ASNS: variants seen among roughly 807,000 people sequenced by gnomAD.
The protein encoded by ASNS is asparagine synthetase [glutamine-hydrolyzing].
Under a neutral mutation model 62.6 loss-of-function variants are expected in ASNS, and 37 were observed. The ratio of observed to expected loss-of-function variants is 0.59; its 90% confidence interval spans 0.45 to 0.78. The LOEUF is 0.78. ASNS is among the 30% of genes least tolerant of loss of function. The pLI is 0.00. For synonymous variants in ASNS, 207 were observed against 237.9 expected, an observed-to-expected ratio of 0.87 and a Z score of 1.19; for missense variants, 520 against 682.4, an observed-to-expected ratio of 0.76 and a Z score of 2.65.
chr7:97,869,404 C>T (rs373933308), intron 2 of ASNS, among the ~76,000 whole-genome samples: 21 of 152,354 alleles, frequency 1.4e-4, no homozygotes, highest in African/African-American at 3.8e-4. Flanking sequence ...CAACCGGCTA[C>T]AGCAGCTTAG....
chr7:97,854,684 T>C lies in ASNS; in HGVS notation c.1138-4A>G, dbSNP rs1329970496. ...CGGCTTTTTCAGGAGAAGGAGCCTATTTCACAAACAAAAACACCAAGAGTT... is the reference window on the plus strand; with the variant it reads ...CGGCTTTTTCAGGAGAAGGAGCCTACTTCACAAACAAAAACACCAAGAGTT... On this transcript the variant is annotated splice_region_variant and splice_polypyrimidine_tract_variant and intron_variant, in intron 9 of 12. Transcript: ENST00000394308. 2 of 1,614,064 alleles carry C rather than the reference T, an allele frequency of 1.2e-6. No individual in the cohort carries two copies. The highest frequency in any genetic ancestry group is 1.7e-6 in the Non-Finnish European group (2 of 1,179,996).
At chr7:97,924,652 C>T in the ASNS span, among the ~76,000 whole-genome samples, 2 of 152,162 alleles carry the variant, frequency 1.3e-5, no homozygotes, top group Admixed American at 6.5e-5. Context: ...CCCTGAGAAC[C>T]AGGGGGATGT....
the ASNS span, among the ~76,000 whole-genome samples, chr7:97,879,991 C>T: frequency 1.3e-5 from 2 of 152,194 alleles, no homozygotes; most frequent in African/African-American, 4.8e-5. Context: ...GATGATTGTT[C>T]TCTTCCTACC....
chr7:97,901,952 T>C, the ASNS span, among the ~76,000 whole-genome samples: 1 of 151,958 alleles, frequency 6.6e-6, no homozygotes, highest in African/African-American at 2.4e-5. Flanking sequence ...TACTCTAGCC[T>C]GGGCAATAAA....
At chr7:97,926,684 G>A in the ASNS span, among the ~76,000 whole-genome samples, 2 of 152,148 alleles carry the variant, frequency 1.3e-5, no homozygotes, top group Admixed American at 6.6e-5. Context: ...TACAGGCGCC[G>A]CGAAAAGAGC....
intron 8 of ASNS, among the ~76,000 whole-genome samples, chr7:97,856,149 G>A (rs955104322): frequency 6.6e-6 from 1 of 152,130 alleles, no homozygotes. Flanking sequence ...TGCCTTCCAA[G>A]GCAAGTCTCT....
chr7:97,853,035 G>T, intron 12 of ASNS, 25 bp downstream of exon 12: 1 of 1,522,662 alleles, frequency 6.6e-7, no homozygotes, highest in South Asian at 1.3e-5. Context: ...TCTTATTCCT[G>T]AAAATGTTTT....
chr7:97,865,991 A>G (rs1439870161), intron 3 of ASNS, among the ~76,000 whole-genome samples: 1 of 152,166 alleles, frequency 6.6e-6, no homozygotes, highest in Non-Finnish European at 1.5e-5. Flanking sequence ...TGCACATGTA[A>G]TGTCATGTCA....
the ASNS span, among the ~76,000 whole-genome samples, chr7:97,878,912 A>AACCAAAACAGCATAGTACTGGT: frequency 6.6e-6 from 1 of 152,234 alleles, no homozygotes; most frequent in Non-Finnish European, 1.5e-5. Context: ...AGGCTACAGT[A>AACCAAAACAGCATAGTACTGGT]ACCAAAACAG....
the ASNS span, among the ~76,000 whole-genome samples, chr7:97,909,294 CTTTTTTTTTTTTTTTTTT>C: frequency 1.4e-5 from 1 of 72,620 alleles, no homozygotes; most frequent in Admixed American, 2.0e-4. Context: ...CTCACATACA[CTTTTTTTTTTTTTTTTTT>C]TTTTTTTTTG....
chr7:97,920,491 G>A, the ASNS span, among the ~76,000 whole-genome samples: 1 of 152,168 alleles, frequency 6.6e-6, no homozygotes, highest in Non-Finnish European at 1.5e-5. Context: ...ACTCCCTAGA[G>A]AAGGCAGGAG....
chr7:97,900,020 A>C, the ASNS span, among the ~76,000 whole-genome samples: 1 of 152,226 alleles, frequency 6.6e-6, no homozygotes, highest in Non-Finnish European at 1.5e-5. Flanking sequence ...AATCAAAACC[A>C]CAATGAGATA....
intron 1 of ASNS, among the ~76,000 whole-genome samples, chr7:97,870,978 C>T (rs1470025255): frequency 6.6e-6 from 1 of 152,158 alleles, no homozygotes; most frequent in Non-Finnish European, 1.5e-5. Context: ...GGGCAAAGTT[C>T]CTACTGCCGC....
upstream of ASNS, among the ~76,000 whole-genome samples, chr7:97,877,033 A>G (rs926349615): frequency 2.6e-5 from 4 of 152,038 alleles, no homozygotes; most frequent in African/African-American, 9.7e-5. Context: ...TAAGATAAAG[A>G]TGATTAAGTA....
At chr7:97,922,090 C>T in the ASNS span, among the ~76,000 whole-genome samples, 1 of 152,218 alleles carries the variant, frequency 6.6e-6, no homozygotes, top group South Asian at 2.1e-4. Context: ...CTCGGCCAGG[C>T]ATGGTGGCTC....
At chr7:97,853,583 TATATC>T (rs918479556) in intron 10 of ASNS, among the ~76,000 whole-genome samples, 197 bp from the exon 11 acceptor site, 6 of 152,172 alleles carry the variant, frequency 3.9e-5, no homozygotes, top group Non-Finnish European at 7.4e-5. Flanking sequence ...AAATAATACA[TATATC>T]ATGTCATCTA....
At chr7:97,874,677 C>T (rs1358498187), upstream of ASNS, among the ~76,000 whole-genome samples, 2 of 152,230 alleles carry the variant, frequency 1.3e-5, no homozygotes, top group African/African-American at 2.4e-5. Flanking sequence ...CCTGACTTCC[C>T]GCAACACAGC....
intron 1 of ASNS, chr7:97,872,108 T>C (rs1484274836): frequency 6.6e-6 from 1 of 152,328 alleles, no homozygotes; most frequent in Non-Finnish European, 1.5e-5. Context: ...TCCCTCTCGA[T>C]GCTTCAGGGA....
chr7:97,869,139 C>T lies in ASNS; in HGVS notation c.18G>A (p.Ala6=), dbSNP rs76996735. 3.7e-3 allele frequency: 5,909 copies of T among 1,613,962 alleles called. 57 individuals are homozygous for T. Among genetic ancestry groups the T allele is most frequent in the African/African-American group, 0.026 (1,971 of 75,028 alleles). Residue 6 remains alanine, a synonymous_variant, in exon 3 of 13, where the codon GCG becomes GCA. Transcript: ENST00000394308. ...AAAGGCAATCATCACTGCCAAACAG[C>T]GCCCAAATGCCACACATGGTGCAAT... MCGIW[A]LFGSDDCLSV... is the part of the protein sequence containing the mutation.
Sources: gnomAD v4.1 joint callset for allele counts (sites outside exome capture counted in the v4.1 genomes callset) on GRCh38, gnomAD v4.1.1 for gene constraint, MANE v1.5 for transcripts, NCBI Gene and HGNC (gene_info 2026-07-23, HGNC 2026-07-21) for gene names.